KIF5C: variants seen among roughly 807,000 people sequenced by gnomAD.
KIF5C encodes the protein kinesin heavy chain isoform 5C.
KIF5C carries 18 observed loss-of-function variants against 125.2 expected under a neutral mutation model. That is an observed-to-expected ratio of 0.14 (90% CI 0.10 to 0.21). The LOEUF is 0.21. KIF5C is among the 10% of genes least tolerant of loss of function. KIF5C has a pLI of 1.00. For synonymous variants in KIF5C, 405 were observed against 434.0 expected (o/e 0.93, Z 0.83); for missense variants, 780 against 1,183.8 (o/e 0.66, Z 5.01).
chr2:148,905,094 A>G (rs949546252), intron 1 of KIF5C, among the ~76,000 whole-genome samples: 9 of 152,140 alleles, frequency 5.9e-5, no homozygotes, highest in Non-Finnish European at 1.0e-4. Flanking sequence ...ATCTCTTTTT[A>G]TTGCCTTCTG....
chr2:148,911,353 G>A (rs976179441), intron 1 of KIF5C, among the ~76,000 whole-genome samples: 2 of 152,190 alleles, frequency 1.3e-5, no homozygotes, highest in Non-Finnish European at 2.9e-5. Flanking sequence ...AGAGAATGCA[G>A]CATCCAGGGG....
intron 16 of KIF5C, among the ~76,000 whole-genome samples, chr2:148,993,934 G>A (rs572148118): frequency 6.6e-6 from 1 of 152,114 alleles, no homozygotes; most frequent in African/African-American, 2.4e-5. Context: ...GGTGGTGATG[G>A]TGGGGAGGGA....
chr2:148,981,604 C>A (rs1460449128), intron 14 of KIF5C, 43 bp downstream of exon 14: 3 of 1,529,798 alleles, frequency 2.0e-6, no homozygotes, highest in Non-Finnish European at 1.8e-6. Context: ...CCTTGGCTGC[C>A]GTTCCTGTAC....
intron 13 of KIF5C, among the ~76,000 whole-genome samples, chr2:148,979,908 A>G (rs1280011929): frequency 6.6e-5 from 10 of 152,264 alleles, no homozygotes; most frequent in Non-Finnish European, 1.2e-4. Flanking sequence ...AGCAAAGGAT[A>G]GCCAGCCAAC....
chr2:149,005,451 C>T lies in KIF5C; in HGVS notation c.2432C>T (p.Thr811Ile). The change falls in exon 22 of 26, where the codon ACC (threonine) becomes ATC (isoleucine). Residue 811 changes from threonine to isoleucine, a missense_variant. Coordinates refer to ENST00000435030, the MANE Select transcript of KIF5C (RefSeq NM_004522.3). ...AAACTCTTTGTCCAGGATCTGACCACCCGAGTTAAAAAAGTGAGTTCTCTT... is the reference window on the plus strand; with the variant it reads ...AAACTCTTTGTCCAGGATCTGACCATCCGAGTTAAAAAAGTGAGTTCTCTT... Reference protein sequence around the residue: ...LRKLFVQDLTTRVKKSVELDN... With the variant: ...LRKLFVQDLTIRVKKSVELDN... 2 of 1,613,698 alleles carry T rather than the reference C, an allele frequency of 1.2e-6. No individual in the cohort carries two copies. Among genetic ancestry groups the T allele is most frequent in the Non-Finnish European group, 1.7e-6 (2 of 1,179,826 alleles).
chr2:148,888,058 G>A (rs1427938720), intron 1 of KIF5C, among the ~76,000 whole-genome samples: 4 of 152,208 alleles, frequency 2.6e-5, no homozygotes, highest in South Asian at 4.1e-4. Context: ...TTTGAGATGC[G>A]TTCGTAGTGG....
chr2:148,927,345 C>T (rs1452916094), intron 2 of KIF5C, among the ~76,000 whole-genome samples: 2 of 152,180 alleles, frequency 1.3e-5, no homozygotes, highest in East Asian at 3.9e-4. Context: ...GTGGGAACAT[C>T]GGCCCTTGCA....
chr2:148,904,503 T>G (rs1037327736), intron 1 of KIF5C, among the ~76,000 whole-genome samples: 2 of 152,216 alleles, frequency 1.3e-5, no homozygotes, highest in African/African-American at 4.8e-5. Context: ...TATCATATTA[T>G]TTATTATTAT....
At chr2:148,930,267 G>A (rs1682145929) in intron 3 of KIF5C, among the ~76,000 whole-genome samples, 1 of 151,980 alleles carries the variant, frequency 6.6e-6, no homozygotes. Flanking sequence ...TGTGGCTTCA[G>A]TCTGTTTTCC....
intron 1 of KIF5C, among the ~76,000 whole-genome samples, chr2:148,903,738 C>G (rs1680993505): frequency 6.6e-6 from 1 of 152,158 alleles, no homozygotes; most frequent in African/African-American, 2.4e-5. Flanking sequence ...ATAACTTGCC[C>G]AAGGTCACAT....
At chr2:148,968,825 C>T (rs1303073857) in intron 11 of KIF5C, among the ~76,000 whole-genome samples, 1 of 152,040 alleles carries the variant, frequency 6.6e-6, no homozygotes, top group Admixed American at 6.6e-5. Context: ...GCTGCTCTCA[C>T]CCATCTGGCA....
At chr2:149,007,712 A>G (rs550064396) in intron 22 of KIF5C, among the ~76,000 whole-genome samples, 13 of 152,062 alleles carry the variant, frequency 8.5e-5, no homozygotes, top group African/African-American at 2.9e-4. Context: ...AATCATCTAC[A>G]ACTTTCAAAA....
chr2:149,007,007 T>C (rs1157064269), intron 22 of KIF5C, among the ~76,000 whole-genome samples: 2 of 152,192 alleles, frequency 1.3e-5, no homozygotes, highest in African/African-American at 2.4e-5. Context: ...TAGACCAGTG[T>C]TTTTCTGCCG....
At chr2:148,926,846 G>T (rs1321842067) in intron 2 of KIF5C, among the ~76,000 whole-genome samples, 1 of 152,184 alleles carries the variant, frequency 6.6e-6, no homozygotes, top group African/African-American at 2.4e-5. Flanking sequence ...GACCTTGATC[G>T]CTGGAGAGAG....
At chr2:148,894,188 T>C (rs181078396) in intron 1 of KIF5C, among the ~76,000 whole-genome samples, 15 of 152,356 alleles carry the variant, frequency 9.8e-5, no homozygotes, top group Admixed American at 9.1e-4. Context: ...AATAGTTTTG[T>C]ATTGAATATC....
chr2:148,954,876 G>A lies in KIF5C; in HGVS notation c.968+4414G>A, dbSNP rs558762957. On this transcript the variant is annotated intron_variant, in intron 10 of 25. Coordinates refer to ENST00000435030, the MANE Select transcript of KIF5C (RefSeq NM_004522.3). ...GCATTTTGGCCAAGGCAGACACTTG[G>A]CTACACTTTGACATGAAAGAAAAAA... is the stretch of plus-strand genomic sequence containing the variant. 4.6e-5 allele frequency among the ~76,000 whole-genome samples: 7 copies of A among 152,264 alleles called. No homozygotes were observed. In the South Asian group the frequency reaches 6.2e-4, roughly 14 times the overall value.
At chr2:148,960,827 C>T (rs1682908276) in intron 10 of KIF5C, among the ~76,000 whole-genome samples, 2 of 152,132 alleles carry the variant, frequency 1.3e-5, no homozygotes, top group Admixed American at 1.3e-4. Context: ...GTTGGAAGTT[C>T]AAAATGAAAA....
chr2:148,937,427 C>T (rs866132278), intron 4 of KIF5C, 39 bp downstream of exon 4: 10 of 1,543,434 alleles, frequency 6.5e-6, no homozygotes, highest in African/African-American at 1.4e-5. Context: ...AGACACTGGG[C>T]CCCAGATAAC....
At position 148,997,436 on chromosome 2, in the gene KIF5C, G is replaced by A. The variant is rs767091901; in HGVS notation, c.2100+96G>A. On this transcript the variant is annotated intron_variant, in intron 18 of 25. Coordinates refer to ENST00000435030, the MANE Select transcript of KIF5C (RefSeq NM_004522.3). ...AGGAAAATCTGTCACCTTCAGATCCGTATATGGCAAGGGACAGGGGAGGGG... is the reference window on the plus strand; with the variant it reads ...AGGAAAATCTGTCACCTTCAGATCCATATATGGCAAGGGACAGGGGAGGGG... The A allele has an allele frequency of 2.7e-5, 43 of 1,577,258 alleles. 1 individual carries two copies. Among genetic ancestry groups the A allele is most frequent in the South Asian group, 4.6e-5 (4 of 86,850 alleles).
Sources: allele counts gnomAD v4.1 joint callset (sites outside exome capture counted in the v4.1 genomes callset), GRCh38; gene constraint gnomAD v4.1.1; transcripts MANE v1.5; gene names NCBI Gene and HGNC (gene_info 2026-07-23, HGNC 2026-07-21).